STXBP5L: variants seen among roughly 807,000 people sequenced by gnomAD.
The protein encoded by STXBP5L is syntaxin binding protein 5L, also known as syntaxin-binding protein 5-like.
In STXBP5L, 65 loss-of-function variants were observed where a neutral mutation model predicts 144.5. The ratio of observed to expected loss-of-function variants is 0.45; its 90% confidence interval spans 0.37 to 0.55. STXBP5L has a LOEUF of 0.55. STXBP5L is among the 20% of genes least tolerant of loss of function. The pLI is 0.00. For missense variants in STXBP5L, 1,298 were observed against 1,405.5 expected (o/e 0.92, Z 1.22); for synonymous variants, 505 against 469.6 (o/e 1.08, Z -0.97).
intron 20 of STXBP5L, among the ~76,000 whole-genome samples, chr3:121,348,189 G>A (rs187871851): frequency 9.9e-5 from 15 of 152,160 alleles, no homozygotes; most frequent in African/African-American, 2.9e-4. Context: ...TTTGTCAAAG[G>A]CCTTTTCTGC....
chr3:121,286,991 C>T (rs1373221564), intron 19 of STXBP5L, among the ~76,000 whole-genome samples: 3 of 152,132 alleles, frequency 2.0e-5, no homozygotes, highest in East Asian at 1.9e-4. Flanking sequence ...GAAACCAAAG[C>T]ATCTACAGCT....
At chr3:120,947,772 G>GC (rs1285530286) in intron 2 of STXBP5L, among the ~76,000 whole-genome samples, 2 of 151,772 alleles carry the variant, frequency 1.3e-5, no homozygotes, top group African/African-American at 4.8e-5. Flanking sequence ...CTATGTTGTA[G>GC]CACATATCAG....
chr3:121,399,583 G>A (rs1279221199), intron 22 of STXBP5L, among the ~76,000 whole-genome samples: 2 of 152,186 alleles, frequency 1.3e-5, no homozygotes, highest in Non-Finnish European at 2.9e-5. Context: ...TATCCCTTAT[G>A]GGAAATGAAG....
At chr3:121,311,930 G>A (rs185618927) in intron 19 of STXBP5L, among the ~76,000 whole-genome samples, 47 of 152,164 alleles carry the variant, frequency 3.1e-4, no homozygotes, top group South Asian at 1.7e-3. Flanking sequence ...TCAAGCTACC[G>A]GACTTCAAAC....
intron 5 of STXBP5L, among the ~76,000 whole-genome samples, chr3:121,048,444 A>C (rs1947678305): frequency 6.6e-6 from 1 of 152,116 alleles, no homozygotes; most frequent in Non-Finnish European, 1.5e-5. Flanking sequence ...TATATTTTCC[A>C]AGTTGCTTGC....
At chr3:121,072,338 G>A (rs866063597) in intron 5 of STXBP5L, among the ~76,000 whole-genome samples, 14 of 152,220 alleles carry the variant, frequency 9.2e-5, no homozygotes, top group Middle Eastern at 3.2e-3. Context: ...CCTGGGGGCC[G>A]TGTTGGCCGC....
chr3:121,040,975 A>C (rs1308533984), intron 3 of STXBP5L, among the ~76,000 whole-genome samples: 1 of 152,100 alleles, frequency 6.6e-6, no homozygotes, highest in Non-Finnish European at 1.5e-5. Context: ...ATGCAAGCAA[A>C]CAAATGATAA....
chr3:120,988,344 ACTT>A (rs1360202981), intron 3 of STXBP5L, among the ~76,000 whole-genome samples: 4 of 151,550 alleles, frequency 2.6e-5, no homozygotes, highest in African/African-American at 7.3e-5. Flanking sequence ...TTCCTTTCAG[ACTT>A]CTTCTTTGAA....
chr3:121,250,812 T>G, intron 15 of STXBP5L, 49 bp downstream of exon 15: 2 of 1,508,662 alleles, frequency 1.3e-6, no homozygotes, highest in Non-Finnish European at 1.8e-6. Flanking sequence ...TAATATTTAC[T>G]TATAGCCAGC....
chr3:121,332,771 C>A (rs113763656), intron 20 of STXBP5L, among the ~76,000 whole-genome samples: 2,508 of 152,020 alleles, frequency 0.016, 65 homozygotes, highest in African/African-American at 0.057. Flanking sequence ...GTTCAAAGAA[C>A]TCCTGGGAGA....
intron 5 of STXBP5L, among the ~76,000 whole-genome samples, chr3:121,102,592 A>G (rs143646926): frequency 1.1e-4 from 17 of 152,288 alleles, no homozygotes; most frequent in African/African-American, 3.8e-4. Flanking sequence ...ACCTCAAACT[A>G]TAAGAATCCT....
At chr3:121,014,223 G>T (rs1323703950) in intron 3 of STXBP5L, among the ~76,000 whole-genome samples, 1 of 151,842 alleles carries the variant, frequency 6.6e-6, no homozygotes, top group South Asian at 2.1e-4. Context: ...AGATTGTTTT[G>T]AGCAGTATGG....
intron 19 of STXBP5L, among the ~76,000 whole-genome samples, chr3:121,293,089 A>T (rs1443338355): frequency 6.6e-6 from 1 of 152,252 alleles, no homozygotes; most frequent in Non-Finnish European, 1.5e-5. Flanking sequence ...AAGTAAATGG[A>T]TAAACAAATT....
At chr3:121,132,850 A>T (rs984193587) in intron 7 of STXBP5L, among the ~76,000 whole-genome samples, 5 of 152,190 alleles carry the variant, frequency 3.3e-5, no homozygotes, top group Admixed American at 3.3e-4. Flanking sequence ...TGAAAAAAAA[A>T]TCACTAGAGG....
intron 10 of STXBP5L, among the ~76,000 whole-genome samples, chr3:121,218,271 A>G (rs1347135114): frequency 2.1e-5 from 3 of 143,494 alleles, no homozygotes; most frequent in East Asian, 2.0e-4. Context: ...AATATAGTAT[A>G]TATATTACTA....
chr3:121,050,086 A>G (rs1158219987), intron 5 of STXBP5L, among the ~76,000 whole-genome samples: 4 of 151,980 alleles, frequency 2.6e-5, no homozygotes, highest in Non-Finnish European at 2.9e-5. Flanking sequence ...TTCTCTGTTC[A>G]CTGTGGGTGA....
At chr3:121,142,899 A>G (rs1165949407) in intron 7 of STXBP5L, among the ~76,000 whole-genome samples, 1 of 151,838 alleles carries the variant, frequency 6.6e-6, no homozygotes, top group African/African-American at 2.4e-5. Context: ...GGAGAAATAA[A>G]TGAAATGGAT....
intron 20 of STXBP5L, among the ~76,000 whole-genome samples, chr3:121,351,076 C>A (rs1437933714): frequency 6.8e-6 from 1 of 147,408 alleles, no homozygotes; most frequent in Admixed American, 6.7e-5. Flanking sequence ...TGTTTTTTCC[C>A]CATCTTTGTG....
chr3:121,000,102 T>G (rs1943652603), intron 3 of STXBP5L, among the ~76,000 whole-genome samples: 1 of 152,130 alleles, frequency 6.6e-6, no homozygotes, highest in African/African-American at 2.4e-5. Flanking sequence ...GTGGTCATCT[T>G]GCATAGTATC....
Sources: allele counts gnomAD v4.1 joint callset (sites outside exome capture counted in the v4.1 genomes callset), GRCh38; gene constraint gnomAD v4.1.1; transcripts MANE v1.5; gene names NCBI Gene and HGNC (gene_info 2026-07-23, HGNC 2026-07-21).